The following KCNIP1 variants were observed in gnomAD, a reference collection of about 807,000 sequenced individuals.
KCNIP1 encodes the protein A-type potassium channel modulatory protein KCNIP1.
Under a neutral mutation model 33.0 loss-of-function variants are expected in KCNIP1, and 18 were observed. The ratio of observed to expected loss-of-function variants is 0.55; its 90% confidence interval spans 0.38 to 0.81. KCNIP1 has a LOEUF of 0.81. KCNIP1 is among the 30% of genes least tolerant of loss of function. KCNIP1 has a pLI of 0.00. For missense variants in KCNIP1, 238 were observed against 271.6 expected (o/e 0.88, Z 0.87); for synonymous variants, 93 against 98.3 (o/e 0.95, Z 0.32).
At chr5:170,456,333 G>C (rs932143546) in intron 1 of KCNIP1, among the ~76,000 whole-genome samples, 2 of 151,998 alleles carry the variant, frequency 1.3e-5, no homozygotes, top group African/African-American at 2.4e-5. Context: ...AGTGGAGGGA[G>C]AGCATTAGGA....
chr5:170,734,717 G>A (rs1236657125), intron 7 of KCNIP1, among the ~76,000 whole-genome samples: 3 of 152,248 alleles, frequency 2.0e-5, no homozygotes, highest in Non-Finnish European at 4.4e-5. Flanking sequence ...GAAAGCCGGG[G>A]AGAAGTTCCT....
At chr5:170,426,796 A>G (rs1755625466) in intron 1 of KCNIP1, among the ~76,000 whole-genome samples, 1 of 152,220 alleles carries the variant, frequency 6.6e-6, no homozygotes, top group African/African-American at 2.4e-5. Context: ...CCAACTCCCA[A>G]GAGGGGTTCG....
At chr5:170,599,450 C>T (rs1387319589) in intron 1 of KCNIP1, among the ~76,000 whole-genome samples, 1 of 152,176 alleles carries the variant, frequency 6.6e-6, no homozygotes, top group African/African-American at 2.4e-5. Context: ...TAGTCTTACT[C>T]AACCCTTCAG....
At chr5:170,565,650 A>G (rs1020979275) in intron 1 of KCNIP1, among the ~76,000 whole-genome samples, 1 of 152,210 alleles carries the variant, frequency 6.6e-6, no homozygotes, top group African/African-American at 2.4e-5. Context: ...TTAATTTTAT[A>G]TAAGAAGCAA....
At chr5:170,405,490 C>T (rs775364903) in intron 1 of KCNIP1, among the ~76,000 whole-genome samples, 9 of 152,220 alleles carry the variant, frequency 5.9e-5, no homozygotes, top group African/African-American at 9.6e-5. Flanking sequence ...CAGCCTGAGC[C>T]GTTGTGCCCA....
At chr5:170,470,033 T>C (rs191296027) in intron 1 of KCNIP1, among the ~76,000 whole-genome samples, 20 of 152,318 alleles carry the variant, frequency 1.3e-4, no homozygotes, top group African/African-American at 4.8e-4. Flanking sequence ...GCCAGGCAGA[T>C]AGTGGAATTG....
At chr5:170,656,846 A>G (rs1761286930) in intron 1 of KCNIP1, among the ~76,000 whole-genome samples, 1 of 152,160 alleles carries the variant, frequency 6.6e-6, no homozygotes, top group African/African-American at 2.4e-5. Flanking sequence ...AGGGAGCCAC[A>G]GGTCAGCAAG....
intron 1 of KCNIP1, among the ~76,000 whole-genome samples, chr5:170,457,712 C>T (rs938653001): frequency 7.2e-5 from 11 of 152,152 alleles, no homozygotes; most frequent in South Asian, 4.1e-4. Context: ...AGCCCTAGGC[C>T]TTCCATCTGA....
intron 1 of KCNIP1, among the ~76,000 whole-genome samples, chr5:170,671,340 C>T (rs1450913404): frequency 6.6e-6 from 1 of 152,164 alleles, no homozygotes; most frequent in Non-Finnish European, 1.5e-5. Flanking sequence ...GACACCTTTT[C>T]AGCACTTAGG....
At chr5:170,718,327 T>C (rs1763701401) in intron 1 of KCNIP1, among the ~76,000 whole-genome samples, 1 of 152,188 alleles carries the variant, frequency 6.6e-6, no homozygotes, top group Admixed American at 6.5e-5. Context: ...GCCCCAATGG[T>C]GAGAGTTTAC....
chr5:170,568,231 C>T (rs1016764009), intron 1 of KCNIP1, among the ~76,000 whole-genome samples: 4 of 152,166 alleles, frequency 2.6e-5, no homozygotes, highest in African/African-American at 9.7e-5. Flanking sequence ...TGCATATCTG[C>T]TGCAGCAGAA....
chr5:170,449,179 C>G (rs1756188045), intron 1 of KCNIP1, among the ~76,000 whole-genome samples: 1 of 152,168 alleles, frequency 6.6e-6, no homozygotes, highest in African/African-American at 2.4e-5. Context: ...TCCATTTGTT[C>G]ATTCATACAC....
intron 1 of KCNIP1, among the ~76,000 whole-genome samples, chr5:170,435,290 G>A (rs1021122966): frequency 4.6e-5 from 7 of 152,190 alleles, no homozygotes; most frequent in Admixed American, 2.0e-4. Flanking sequence ...GAGAAGTCCC[G>A]GACATTATCA....
chr5:170,384,265 C>T (rs1438995259), intron 1 of KCNIP1, among the ~76,000 whole-genome samples: 1 of 152,164 alleles, frequency 6.6e-6, no homozygotes, highest in Non-Finnish European at 1.5e-5. Context: ...TCCATATCGT[C>T]TTCATTTTGC....
chr5:170,487,624 C>A (rs541278035), intron 1 of KCNIP1, among the ~76,000 whole-genome samples: 221 of 151,648 alleles, frequency 1.5e-3, no homozygotes, highest in African/African-American at 4.8e-3. Context: ...TCAGTTCAAG[C>A]AATCCTCCCA....
chr5:170,517,942 G>A (rs1755209064), intron 1 of KCNIP1, among the ~76,000 whole-genome samples: 1 of 150,706 alleles, frequency 6.6e-6, no homozygotes, highest in South Asian at 2.1e-4. Flanking sequence ...GGTAATGATG[G>A]TAGTGACGGT....
At chr5:170,431,360 A>T (rs1755736625) in intron 1 of KCNIP1, among the ~76,000 whole-genome samples, 1 of 152,140 alleles carries the variant, frequency 6.6e-6, no homozygotes, top group Non-Finnish European at 1.5e-5. Flanking sequence ...AAAACCAAGG[A>T]TCAGGCTGCT....
chr5:170,516,890 CGTGG>C (rs1755145427), intron 1 of KCNIP1, among the ~76,000 whole-genome samples: 1 of 152,024 alleles, frequency 6.6e-6, no homozygotes, highest in Non-Finnish European at 1.5e-5. Flanking sequence ...GCAGTGCATA[CGTGG>C]TGGGGATCAG....
At chr5:170,590,627 A>C (rs556069597) in intron 1 of KCNIP1, among the ~76,000 whole-genome samples, 1 of 152,152 alleles carries the variant, frequency 6.6e-6, no homozygotes, top group Non-Finnish European at 1.5e-5. Flanking sequence ...CTACCTCACC[A>C]CCTAACTGGG....
Sources: gnomAD v4.1 joint callset for allele counts (sites outside exome capture counted in the v4.1 genomes callset) on GRCh38, gnomAD v4.1.1 for gene constraint, MANE v1.5 for transcripts, NCBI Gene and HGNC (gene_info 2026-07-23, HGNC 2026-07-21) for gene names.